NUP50: variants seen among roughly 807,000 people sequenced by gnomAD.
NUP50 encodes nuclear pore complex protein Nup50.
NUP50 carries 14 observed loss-of-function variants against 36.8 expected under a neutral mutation model. The observed-to-expected ratio is 0.38, with a 90% CI of 0.25 to 0.59. The LOEUF is 0.59. NUP50 is among the 20% of genes least tolerant of loss of function. The pLI, the probability that NUP50 is intolerant of heterozygous loss-of-function variation, is 0.63. For missense variants in NUP50, 455 were observed against 564.6 expected (o/e 0.81, Z 1.97); for synonymous variants, 195 against 210.8 (o/e 0.93, Z 0.65).
rs1294814552 is a variant in NUP50 at position 45,185,447 on chromosome 22, A to C, written c.*792A>C. The C allele has an allele frequency of 1.3e-5, 2 of 152,402 alleles. No homozygotes were observed. Among genetic ancestry groups the C allele is most frequent in the African/African-American group, 4.8e-5 (2 of 41,436 alleles). 9.4% of individuals were successfully genotyped at this position (152,402 alleles called of 1,614,324 possible). ...GTAGCTTATCATCTACACCATGGAGAGTGAACCCTTACGAAATGAAAGTCA... is the reference window on the plus strand; with the variant it reads ...GTAGCTTATCATCTACACCATGGAGCGTGAACCCTTACGAAATGAAAGTCA... On this transcript the variant is annotated 3_prime_UTR_variant, in exon 8 of 8. Transcript: ENST00000347635.
intron 6 of NUP50, among the ~76,000 whole-genome samples, chr22:45,181,811 C>T (rs1303808770): frequency 6.6e-6 from 1 of 152,144 alleles, no homozygotes; most frequent in Non-Finnish European, 1.5e-5. Context: ...TTCTCATAGT[C>T]AAAAAGTTAA....
Position 45,187,968 on chromosome 22 carries a change from G to T in NUP50, c.*3313G>T, listed in dbSNP as rs933026608. 1.3e-5 allele frequency: 2 copies of T among 152,692 alleles called. No individual in the cohort carries two copies. Among genetic ancestry groups the T allele is most frequent in the African/African-American group, 4.8e-5 (2 of 41,466 alleles). 9.5% of individuals were successfully genotyped at this position (152,692 alleles called of 1,614,324 possible). ...GTTTTTGAATGCTCCCATCGAGGAAGTGTAACAATCCATGAAATGTGAATA... is the reference window on the plus strand; with the variant it reads ...GTTTTTGAATGCTCCCATCGAGGAATTGTAACAATCCATGAAATGTGAATA... On this transcript the variant is annotated 3_prime_UTR_variant, in exon 8 of 8. Transcript: ENST00000347635.
chr22:45,165,300 G>A (rs2147659794), intron 1 of NUP50, among the ~76,000 whole-genome samples: 1 of 152,292 alleles, frequency 6.6e-6, no homozygotes. Flanking sequence ...TCAGTGTAGT[G>A]GTAGCTCACT....
At position 45,167,794 on chromosome 22, in the gene NUP50, T is replaced by C. The variant is rs191310008; in HGVS notation, c.-10-374T>C. On this transcript the variant is annotated intron_variant, in intron 1 of 7. Transcript: ENST00000347635. ...ATTTTCTTTATGACAAGACTTTCAG[T>C]ATGTATATGCGTAGAATAAGTTAAG... Among the ~76,000 whole-genome samples the C allele has an allele frequency of 5.0e-3, 769 of 152,356 alleles. 2 individuals carry two copies. The highest frequency in any genetic ancestry group is 8.0e-3 in the Non-Finnish European group (547 of 68,028).
chr22:45,171,504 G>T, intron 2 of NUP50, 96 bp from the exon 3 acceptor site: 2 of 1,180,718 alleles, frequency 1.7e-6, no homozygotes, highest in Middle Eastern at 2.7e-4. Context: ...TGAGAGGCCG[G>T]ACACAGTGGC....
intron 4 of NUP50, among the ~76,000 whole-genome samples, chr22:45,177,419 G>A (rs943125493): frequency 3.9e-5 from 6 of 152,128 alleles, no homozygotes; most frequent in Non-Finnish European, 8.8e-5. Flanking sequence ...GAGCTCAAGC[G>A]ATTTGCCCAC....
At chr22:45,171,806 T>C (rs1373781070) in intron 3 of NUP50, 123 bp downstream of exon 3, 2 of 788,780 alleles carry the variant, frequency 2.5e-6, no homozygotes, top group Non-Finnish European at 4.2e-6. Context: ...TTCTTTGATG[T>C]AGGTCATGGG....
chr22:45,171,447 G>A (rs192117981), intron 2 of NUP50, among the ~76,000 whole-genome samples, 153 bp from the exon 3 acceptor site: 3 of 152,344 alleles, frequency 2.0e-5, no homozygotes, highest in East Asian at 1.9e-4. Flanking sequence ...CTCCCAAAGC[G>A]CTAGTATTAT....
chr22:45,181,268 T>C lies in NUP50; in HGVS notation c.1004-18T>C, dbSNP rs2074367044. 18 of 1,562,356 alleles carry C rather than the reference T, an allele frequency of 1.2e-5. No individual in the cohort carries two copies. Among genetic ancestry groups the C allele is most frequent in the Middle Eastern group, 2.0e-4 (1 of 5,102 alleles). On this transcript the variant is annotated intron_variant, in intron 5 of 7. Transcript: ENST00000347635. ...TCTGGATTGGAATCTTACTGAATTA[T>C]TGTCATTTTTATAAAAGGTGGAGAT...
At chr22:45,166,145 A>C (rs1158145371) in intron 1 of NUP50, 1 of 152,138 alleles carries the variant, frequency 6.6e-6, no homozygotes, top group Non-Finnish European at 1.5e-5. Context: ...GGAAGCCCCT[A>C]CATTTATTTA....
In NUP50 at chr22:45,184,549, T is replaced by C. The variant is rs746932594; in HGVS notation, c.1301T>C (p.Ile434Thr). ...VLIVCVPNPP[I>T]DEKNATMPVT... ...ATCGTCTGTGTTCCAAATCCACCAA[T>C]TGACGAGAAGAATGCCACCATGCCA... The change falls in exon 8 of 8, where the codon ATT becomes ACT. Residue 434 changes from isoleucine (I) to threonine (T), a missense_variant. By Grantham distance (89) the Ile-to-Thr change is moderately conservative. Transcript: ENST00000347635. The C allele has an allele frequency of 5.0e-6, 8 of 1,613,126 alleles. No individual in the cohort carries two copies. Among genetic ancestry groups the C allele is most frequent in the Middle Eastern group, 1.7e-4 (1 of 6,056 alleles).
chr22:45,178,926 C>G lies in NUP50; in HGVS notation c.1003+26C>G, dbSNP rs200700488. ...GTAAGTACCAGCTTTGTCGTTGAGT[C>G]GAGGTTTGCATAAGATTCTTGTTTC... is the stretch of plus-strand genomic sequence containing the variant. On this transcript the variant is annotated intron_variant, in intron 5 of 7. Transcript: ENST00000347635. The G allele has an allele frequency of 1.9e-6, 3 of 1,575,862 alleles. No individual in the cohort carries two copies. The South Asian group carries it at 3.5e-5, about 19-fold the overall frequency.
intron 2 of NUP50, 96 bp from the exon 3 acceptor site, chr22:45,171,504 G>A: frequency 8.5e-7 from 1 of 1,180,718 alleles, no homozygotes; most frequent in Non-Finnish European, 1.3e-6. Context: ...TGAGAGGCCG[G>A]ACACAGTGGC....
At position 45,181,859 on chromosome 22, in the gene NUP50, A is replaced by C. The variant is rs567811233; in HGVS notation, c.1085+492A>C. On this transcript the variant is annotated intron_variant, in intron 6 of 7. Coordinates refer to ENST00000347635, the MANE Select transcript of NUP50 (RefSeq NM_007172.4). ...TCCCTTCCTGTTGAGGACTTATAAA[A>C]ACTTTCATCTTCCTTTCAATTAAAT... Among the ~76,000 whole-genome samples, 3 of 152,304 alleles carry C rather than the reference A, an allele frequency of 2.0e-5. No individual in the cohort carries two copies. The East Asian group carries it at 5.8e-4, about 29-fold the overall frequency.
intron 6 of NUP50, 87 bp downstream of exon 6, chr22:45,181,454 C>T (rs1199722158): frequency 2.7e-6 from 2 of 747,200 alleles, no homozygotes; most frequent in African/African-American, 4.0e-5. Flanking sequence ...CGGCACTTGA[C>T]TGAGCTTCCA....
At chr22:45,165,284 C>T (rs1038107690) in intron 1 of NUP50, among the ~76,000 whole-genome samples, 1 of 152,164 alleles carries the variant, frequency 6.6e-6, no homozygotes, top group Non-Finnish European at 1.5e-5. Flanking sequence ...GCTTTGTCAC[C>T]AGGCCTCAGT....
intron 3 of NUP50, among the ~76,000 whole-genome samples, chr22:45,174,478 C>T (rs1319423621): frequency 6.6e-6 from 1 of 152,158 alleles, no homozygotes; most frequent in East Asian, 1.9e-4. Flanking sequence ...CACCTGGCCC[C>T]TTGATGAATA....
chr22:45,176,676 C>T (rs1202011007), intron 4 of NUP50, among the ~76,000 whole-genome samples: 2 of 152,144 alleles, frequency 1.3e-5, no homozygotes, highest in African/African-American at 2.4e-5. Flanking sequence ...AGAGTATATA[C>T]TGTTTGATTT....
Position 45,171,163 on chromosome 22 carries a change from T to C in NUP50, c.70-437T>C, listed in dbSNP as rs572561727. 6.8e-6 allele frequency: 8 copies of C among 1,184,228 alleles called. No homozygotes were observed. In the South Asian group the frequency reaches 1.2e-4, roughly 17 times the overall value. 73.4% of individuals were successfully genotyped at this position (1,184,228 alleles called of 1,614,324 possible). ...CAGTGGGCAAGTTGGGCAGGACTCA[T>C]CTTAAAAATCATGTGTATGTTATAA... On this transcript the variant is annotated intron_variant, in intron 2 of 7. Transcript: ENST00000347635.
Sources: gnomAD v4.1 joint callset for allele counts (sites outside exome capture counted in the v4.1 genomes callset) on GRCh38, gnomAD v4.1.1 for gene constraint, MANE v1.5 for transcripts, NCBI Gene and HGNC (gene_info 2026-07-23, HGNC 2026-07-21) for gene names.